Variants in HPSE2 observed in about 807,000 individuals in gnomAD.
HPSE2 encodes the protein inactive heparanase-2.
A neutral mutation model predicts 60.5 loss-of-function variants in HPSE2; 38 were observed. That is an observed-to-expected ratio of 0.63 (90% CI 0.48 to 0.82). HPSE2 has a LOEUF of 0.82. Among genes scored for constraint, HPSE2 ranks in the 40% least tolerant of loss-of-function variants. HPSE2 has a pLI of 0.00. For synonymous variants in HPSE2, 295 were observed against 293.2 expected, an observed-to-expected ratio of 1.01 and a Z score of -0.06; for missense variants, 713 against 740.4, an observed-to-expected ratio of 0.96 and a Z score of 0.43.
rs1843422921 is a variant in HPSE2, at chr10:99,088,977, C to T, written c.610+55261G>A. 3.3e-5 allele frequency among the ~76,000 whole-genome samples: 5 copies of T among 152,236 alleles called. No homozygotes were observed. In the South Asian group the frequency reaches 1.0e-3, roughly 32 times the overall value. On this transcript the variant is annotated intron_variant, in intron 3 of 11. Coordinates refer to ENST00000370552, the MANE Select transcript of HPSE2 (RefSeq NM_021828.5). ...TGTTTGTTGGCCATTTGTATATCTT[C>T]TTTTGAGAATTGCTTATTCATGTCC...
At chr10:98,460,938 G>T (rs1940261004) in intron 11 of HPSE2, among the ~76,000 whole-genome samples, 1 of 152,210 alleles carries the variant, frequency 6.6e-6, no homozygotes, top group Admixed American at 6.5e-5. Context: ...AGCAGAAAAG[G>T]CCAGAAACAG....
At chr10:98,875,606 A>AT (rs1359282731) in intron 3 of HPSE2, among the ~76,000 whole-genome samples, 5 of 151,982 alleles carry the variant, frequency 3.3e-5, no homozygotes, top group African/African-American at 7.2e-5. Flanking sequence ...GGTACAAAGA[A>AT]TAACTGGTAC....
At chr10:98,709,948 A>T (rs1394264305) in intron 5 of HPSE2, among the ~76,000 whole-genome samples, 1 of 152,192 alleles carries the variant, frequency 6.6e-6, no homozygotes, top group Non-Finnish European at 1.5e-5. Flanking sequence ...AACTGAGTAC[A>T]TACTTTAATA....
chr10:99,227,837 C>CTATA (rs35461640), intron 2 of HPSE2, among the ~76,000 whole-genome samples: 242 of 142,332 alleles, frequency 1.7e-3, no homozygotes, highest in Admixed American at 4.4e-3. Context: ...AGTTGAATGT[C>CTATA]TATATATATA....
At position 98,927,457 on chromosome 10, in the gene HPSE2, T is replaced by C. The variant is rs577380142; in HGVS notation, c.611-183401A>G. Among the ~76,000 whole-genome samples the C allele has an allele frequency of 3.0e-3, 453 of 149,978 alleles. 5 individuals are homozygous for C. Among genetic ancestry groups the C allele is most frequent in the Middle Eastern group, 0.014 (4 of 294 alleles). ...AATGCCATCCCCATCAAGCTACCAA[T>C]GACTTTCTTCACAGAATTGGAAAAA... On this transcript the variant is annotated intron_variant, in intron 3 of 11. Coordinates refer to ENST00000370552, the MANE Select transcript of HPSE2 (RefSeq NM_021828.5).
intron 2 of HPSE2, among the ~76,000 whole-genome samples, chr10:99,222,762 A>G (rs941873578): frequency 2.6e-5 from 4 of 152,126 alleles, no homozygotes; most frequent in Non-Finnish European, 5.9e-5. Flanking sequence ...TACTCCTTCA[A>G]CATGTCCTAA....
intron 10 of HPSE2, among the ~76,000 whole-genome samples, chr10:98,483,998 C>T (rs895733568): frequency 6.6e-6 from 1 of 152,128 alleles, no homozygotes; most frequent in Non-Finnish European, 1.5e-5. Flanking sequence ...TTCCTCATAC[C>T]CCTAAGAACA....
At chr10:99,153,852 G>C (rs916913881) in intron 2 of HPSE2, among the ~76,000 whole-genome samples, 13 of 151,236 alleles carry the variant, frequency 8.6e-5, no homozygotes, top group Non-Finnish European at 1.6e-4. Context: ...TGAAAACTTT[G>C]AAAAAAATTT....
At chr10:99,274,790 TTC>T in the HPSE2 span, among the ~76,000 whole-genome samples, 1 of 152,228 alleles carries the variant, frequency 6.6e-6, no homozygotes, top group Non-Finnish European at 1.5e-5. Context: ...GAAAAATAAC[TTC>T]TTTTTAAATT....
At chr10:98,818,825 T>C (rs1001217050) in intron 3 of HPSE2, among the ~76,000 whole-genome samples, 14 of 152,176 alleles carry the variant, frequency 9.2e-5, no homozygotes, top group Non-Finnish European at 2.9e-5. Context: ...TGTTCATAAA[T>C]AGTTTAGATG....
At chr10:98,981,497 A>C (rs1429974606) in intron 3 of HPSE2, among the ~76,000 whole-genome samples, 2 of 152,200 alleles carry the variant, frequency 1.3e-5, no homozygotes, top group African/African-American at 4.8e-5. Flanking sequence ...CATTGAAATA[A>C]CATTTATGAA....
intron 9 of HPSE2, among the ~76,000 whole-genome samples, chr10:98,544,611 G>A (rs1943594909): frequency 6.6e-6 from 1 of 151,026 alleles, no homozygotes; most frequent in Admixed American, 6.6e-5. Context: ...TACGCGGGAG[G>A]CTGAGGCAGG....
At chr10:99,305,975 G>GCACACACACACACACACA in the HPSE2 span, among the ~76,000 whole-genome samples, 138 of 48,102 alleles carry the variant, frequency 2.9e-3, 1 homozygote, top group Non-Finnish European at 3.7e-3. Flanking sequence ...GCGCGCGCGC[G>GCACACACACACACACACA]CGCGCACACA....
chr10:98,722,631 T>C (rs781381802), intron 4 of HPSE2, among the ~76,000 whole-genome samples: 37 of 152,262 alleles, frequency 2.4e-4, no homozygotes, highest in Middle Eastern at 3.4e-3. Flanking sequence ...AAGTAGCTAA[T>C]TGAAGTAATT....
chr10:98,912,776 G>C (rs1031935293), intron 3 of HPSE2, among the ~76,000 whole-genome samples: 1 of 152,102 alleles, frequency 6.6e-6, no homozygotes, highest in African/African-American at 2.4e-5. Flanking sequence ...ATTACCAGAG[G>C]CTAGGAAGAA....
At chr10:99,196,864 A>C (rs1848417215) in intron 2 of HPSE2, among the ~76,000 whole-genome samples, 1 of 152,156 alleles carries the variant, frequency 6.6e-6, no homozygotes, top group South Asian at 2.1e-4. Flanking sequence ...CAATCCTACT[A>C]CTGGGTATAT....
chr10:98,769,874 C>T (rs1950204563), intron 3 of HPSE2, among the ~76,000 whole-genome samples: 1 of 152,096 alleles, frequency 6.6e-6, no homozygotes, highest in Non-Finnish European at 1.5e-5. Flanking sequence ...AAAACATATG[C>T]ACTATTCATA....
chr10:98,880,004 TC>T (rs1952981017), intron 3 of HPSE2, among the ~76,000 whole-genome samples: 2 of 152,006 alleles, frequency 1.3e-5, no homozygotes, highest in South Asian at 4.1e-4. Flanking sequence ...GCAGTGCTGC[TC>T]TATTCTGATG....
the HPSE2 span, among the ~76,000 whole-genome samples, chr10:99,306,731 C>CA: frequency 1.3e-5 from 2 of 152,068 alleles, no homozygotes; most frequent in African/African-American, 4.8e-5. Flanking sequence ...GTTTTTAAGA[C>CA]AGAGTTTCGC....
Sources: gnomAD v4.1 joint callset for allele counts (sites outside exome capture counted in the v4.1 genomes callset) on GRCh38, gnomAD v4.1.1 for gene constraint, MANE v1.5 for transcripts, NCBI Gene and HGNC (gene_info 2026-07-23, HGNC 2026-07-21) for gene names.